The following PCDHGB1 variants were observed in gnomAD, a reference collection of about 807,000 sequenced individuals.
The protein encoded by PCDHGB1 is protocadherin gamma subfamily B, 1.
Under a neutral mutation model 56.6 loss-of-function variants are expected in PCDHGB1, and 34 were observed. That is an observed-to-expected ratio of 0.60 (90% CI 0.46 to 0.80). The LOEUF is 0.80. Ranked by LOEUF, PCDHGB1 falls within the 30% of genes least tolerant of loss-of-function variation. PCDHGB1 has a pLI of 0.00. For missense variants in PCDHGB1, 1,278 were observed against 1,204.6 expected (o/e 1.06, Z -0.90); for synonymous variants, 561 against 505.9 (o/e 1.11, Z -1.46).
In PCDHGB1 at chr5:141,375,116, C is replaced by G. The variant is rs754682469; in HGVS notation, c.2409+22447C>G. On this transcript the variant is annotated intron_variant, in intron 1 of 3. Coordinates refer to ENST00000523390, the MANE Select transcript of PCDHGB1 (RefSeq NM_018922.3). ...TATCTTGGATGTCAATGATAATGTA[C>G]CAGAAGTGGTTGTTACATCTGGAAG... 4 of 1,613,768 alleles carry G rather than the reference C, an allele frequency of 2.5e-6. No individual in the cohort carries two copies. The highest frequency in any genetic ancestry group is 3.4e-6 in the Non-Finnish European group (4 of 1,179,904).
chr5:141,403,370 G>T (rs752870915), intron 1 of PCDHGB1: 25 of 1,614,064 alleles, frequency 1.5e-5, no homozygotes, highest in Non-Finnish European at 1.9e-5. Flanking sequence ...AAGTCTGGAA[G>T]TAAAAATTAA....
chr5:141,410,528 A>G (rs1464482105), intron 1 of PCDHGB1: 3 of 1,613,852 alleles, frequency 1.9e-6, no homozygotes, highest in Non-Finnish European at 2.5e-6. Flanking sequence ...CCTACATTCC[A>G]ATGAAGACAT....
At chr5:141,463,402 T>C (rs1214124103) in intron 1 of PCDHGB1, among the ~76,000 whole-genome samples, 1 of 149,978 alleles carries the variant, frequency 6.7e-6, no homozygotes, top group African/African-American at 2.5e-5. Context: ...GCAAAAAAAA[T>C]GGAGATCCTA....
chr5:141,390,002 T>A (rs1263938438), intron 1 of PCDHGB1: 1 of 1,614,038 alleles, frequency 6.2e-7, no homozygotes, highest in East Asian at 2.2e-5. Context: ...TGGCCATGAT[T>A]CTGGCCATTG....
chr5:141,400,674 T>A, intron 1 of PCDHGB1: 1 of 917,906 alleles, frequency 1.1e-6, no homozygotes, highest in Non-Finnish European at 1.7e-6. Flanking sequence ...AGAGGAGCAG[T>A]AAATTGTGAG....
rs557975319 is a variant in PCDHGB1 at position 141,381,867 on chromosome 5, T to C, written c.2409+29198T>C. ...TTTTTTTGGCAGAGTTTTGCTCTTGTTGTCCAGGCTGGAGTGCAATGGTGT... is the reference window on the plus strand; with the variant it reads ...TTTTTTTGGCAGAGTTTTGCTCTTGCTGTCCAGGCTGGAGTGCAATGGTGT... On this transcript the variant is annotated intron_variant, in intron 1 of 3. Coordinates refer to ENST00000523390, the MANE Select transcript of PCDHGB1 (RefSeq NM_018922.3). Among the ~76,000 whole-genome samples, 9 of 148,494 alleles carry C rather than the reference T, an allele frequency of 6.1e-5. No homozygotes were observed. In the South Asian group the frequency reaches 2.0e-3, roughly 33 times the overall value.
chr5:141,423,435 G>A (rs2096740494), intron 1 of PCDHGB1: 1 of 1,613,892 alleles, frequency 6.2e-7, no homozygotes, highest in Admixed American at 1.7e-5. Context: ...TGGCAGGTAT[G>A]CCCACGTCAC....
At position 141,502,487 on chromosome 5, in the gene PCDHGB1, C is replaced by T. The variant is rs563658817; in HGVS notation, c.2469-2906C>T. ...TACTTCCCGCAGCATCACACTGGGACTCATCTAACGTCGGCCTGTCCCACT... is the reference window on the plus strand; with the variant it reads ...TACTTCCCGCAGCATCACACTGGGATTCATCTAACGTCGGCCTGTCCCACT... On this transcript the variant is annotated intron_variant, in intron 2 of 3. Coordinates refer to ENST00000523390, the MANE Select transcript of PCDHGB1 (RefSeq NM_018922.3). Among the ~76,000 whole-genome samples, 92 of 152,298 alleles carry T rather than the reference C, an allele frequency of 6.0e-4. 3 individuals are homozygous for T. The highest frequency in any genetic ancestry group is 1.5e-4 in the Non-Finnish European group (10 of 68,030).
Position 141,489,173 on chromosome 5 carries a change from C to T in PCDHGB1, c.2410-5634C>T. 8.3e-7 allele frequency: 1 copy of T among 1,208,434 alleles called. No individual in the cohort carries two copies. Among genetic ancestry groups the T allele is most frequent in the Non-Finnish European group, 1.2e-6 (1 of 860,944 alleles). The allele number at this position is 1,208,434 out of a possible 1,614,324, so 74.9% of individuals were successfully genotyped here. ...CATAAGAGACTTCAGCTGCTGCATTCCAAGCCCTGGGTCTACCTTGGAGAC... is the reference window on the plus strand; with the variant it reads ...CATAAGAGACTTCAGCTGCTGCATTTCAAGCCCTGGGTCTACCTTGGAGAC... On this transcript the variant is annotated intron_variant, in intron 1 of 3. Coordinates refer to ENST00000523390, the MANE Select transcript of PCDHGB1 (RefSeq NM_018922.3). The surrounding 1 kb of genome is among the most constrained non-coding windows in gnomAD (Gnocchi z 4.5).
chr5:141,410,737 C>A, intron 1 of PCDHGB1: 1 of 1,295,554 alleles, frequency 7.7e-7, no homozygotes, highest in East Asian at 2.5e-5. Context: ...TAGCTTTTTA[C>A]AATATTTTCT....
In PCDHGB1 at chr5:141,476,245, G is replaced by C; in HGVS notation, c.2410-18562G>C. 3.1e-6 allele frequency: 5 copies of C among 1,614,086 alleles called. No homozygotes were observed. The highest frequency in any genetic ancestry group is 3.4e-6 in the Non-Finnish European group (4 of 1,180,026). On this transcript the variant is annotated intron_variant, in intron 1 of 3. Transcript: ENST00000523390. This position sits in a 1 kb window ranked among gnomAD's most constrained non-coding sequence, Gnocchi z 7.6. The stretch of plus-strand genomic sequence containing the variant: ...ATGAGATCCCGGAGGAAAGAGAGAA[G>C]GGTTTCGCTGTGGGCAACGTGGTCG...
intron 1 of PCDHGB1, chr5:141,379,352 A>G (rs1189647778): frequency 1.3e-5 from 2 of 152,198 alleles, no homozygotes; most frequent in Non-Finnish European, 2.9e-5. Flanking sequence ...ATTTTCTTGT[A>G]TCTTTGTGAT....
Position 141,451,147 on chromosome 5 carries a change from A to G in PCDHGB1, c.2410-43660A>G, listed in dbSNP as rs2098708727. ...CCAGCCTTATGATTGTATTTAGACT[A>G]GACATTTTTTTGGTAGTATATTATT... On this transcript the variant is annotated intron_variant, in intron 1 of 3. Coordinates refer to ENST00000523390, the MANE Select transcript of PCDHGB1 (RefSeq NM_018922.3). Among the ~76,000 whole-genome samples, 3 of 152,250 alleles carry G rather than the reference A, an allele frequency of 2.0e-5. No homozygotes were observed. In the South Asian group the frequency reaches 6.2e-4, roughly 32 times the overall value.
At chr5:141,481,024 C>CTGGA (rs1200299352) in intron 1 of PCDHGB1, among the ~76,000 whole-genome samples, 3 of 152,122 alleles carry the variant, frequency 2.0e-5, no homozygotes, top group Admixed American at 1.3e-4. Flanking sequence ...CACCACTGCA[C>CTGGA]TCCAGCCTGG....
chr5:141,374,406 T>C (rs748431130), intron 1 of PCDHGB1: 8 of 1,614,018 alleles, frequency 5.0e-6, no homozygotes, highest in Non-Finnish European at 6.8e-6. Context: ...AGTTTTAACA[T>C]CCTTGTCGAG....
chr5:141,374,701 C>CA (rs1561563973), intron 1 of PCDHGB1: 1 of 1,608,962 alleles, frequency 6.2e-7, no homozygotes, highest in South Asian at 1.1e-5. Context: ...AAGGAGAAGC[C>CA]GTTTACCGCC....
intron 1 of PCDHGB1, chr5:141,393,012 G>T: frequency 1.9e-6 from 3 of 1,613,842 alleles, no homozygotes; most frequent in Non-Finnish European, 2.5e-6. Context: ...AGTCCGTATC[G>T]TCTCCAGAGG....
At chr5:141,374,759 G>A (rs761534482) in intron 1 of PCDHGB1, 1 of 1,613,112 alleles carries the variant, frequency 6.2e-7, no homozygotes, top group Non-Finnish European at 8.5e-7. Flanking sequence ...CTCAAGCGTC[G>A]CCCAAATTCT....
At chr5:141,452,193 GT>G (rs1375451557) in intron 1 of PCDHGB1, among the ~76,000 whole-genome samples, 1 of 151,990 alleles carries the variant, frequency 6.6e-6, no homozygotes, top group Non-Finnish European at 1.5e-5. Context: ...ACCTCAAATT[GT>G]TTTAGATGTT....
Sources: allele counts gnomAD v4.1 joint callset (sites outside exome capture counted in the v4.1 genomes callset), GRCh38; gene constraint gnomAD v4.1.1; non-coding constraint Gnocchi (gnomAD v3.1); transcripts MANE v1.5; gene names NCBI Gene and HGNC (gene_info 2026-07-23, HGNC 2026-07-21).